Variants in SRBD1 observed in about 807,000 individuals in gnomAD.
SRBD1 encodes the protein S1 RNA binding domain 1, also known as S1 RNA-binding domain-containing protein 1.
In SRBD1, 88 loss-of-function variants were observed where a neutral mutation model predicts 115.3. The observed-to-expected ratio is 0.76, with a 90% confidence interval of 0.64 to 0.91. The LOEUF (loss-of-function observed/expected upper bound fraction) is 0.91. SRBD1 is among the 40% of genes least tolerant of loss of function. SRBD1 has a pLI of 0.00. For synonymous variants in SRBD1, 509 were observed against 407.7 expected (o/e 1.25, Z -2.99); for missense variants, 1,385 against 1,177.4 (o/e 1.18, Z -2.58).
chr2:45,415,557 G>A (rs574196680), intron 18 of SRBD1, among the ~76,000 whole-genome samples: 2 of 143,958 alleles, frequency 1.4e-5, no homozygotes, highest in Admixed American at 7.0e-5. Context: ...CATATAGTCT[G>A]TATACGTATA....
At chr2:45,526,624 A>G (rs1671450941) in intron 14 of SRBD1, among the ~76,000 whole-genome samples, 2 of 151,998 alleles carry the variant, frequency 1.3e-5, no homozygotes, top group African/African-American at 4.8e-5. Context: ...ATATCTCAGT[A>G]AAACTGTTAA....
At chr2:45,428,411 C>T (rs1668223554) in intron 16 of SRBD1, among the ~76,000 whole-genome samples, 1 of 152,028 alleles carries the variant, frequency 6.6e-6, no homozygotes, top group African/African-American at 2.4e-5. Flanking sequence ...GTTAGCTGGG[C>T]GTGGTGGCAA....
At chr2:45,391,396 G>T (rs950586981) in intron 20 of SRBD1, among the ~76,000 whole-genome samples, 2 of 152,146 alleles carry the variant, frequency 1.3e-5, no homozygotes, top group Non-Finnish European at 2.9e-5. Flanking sequence ...TATGAGTAAA[G>T]AATGAGGCAT....
At chr2:45,441,301 C>A (rs1276148451) in intron 16 of SRBD1, among the ~76,000 whole-genome samples, 1 of 152,214 alleles carries the variant, frequency 6.6e-6, no homozygotes, top group East Asian at 1.9e-4. Flanking sequence ...TAGCCTCATG[C>A]ACTGGTGGCA....
chr2:45,439,704 G>T (rs1668602905), intron 16 of SRBD1, among the ~76,000 whole-genome samples: 1 of 151,444 alleles, frequency 6.6e-6, no homozygotes, highest in Non-Finnish European at 1.5e-5. Flanking sequence ...TTAAATGTTA[G>T]TAAAAACTCC....
chr2:45,535,496 T>G (rs1159904131), intron 14 of SRBD1, among the ~76,000 whole-genome samples: 1 of 151,966 alleles, frequency 6.6e-6, no homozygotes, highest in African/African-American at 2.4e-5. Context: ...ACAACCTATT[T>G]TATTTTCCCT....
At chr2:45,420,917 G>C (rs1305817344) in intron 16 of SRBD1, among the ~76,000 whole-genome samples, 4 of 152,096 alleles carry the variant, frequency 2.6e-5, no homozygotes, top group African/African-American at 9.7e-5. Context: ...ACAACGTGCA[G>C]GTTTGTTACA....
At chr2:45,597,347 G>A (rs1217963582) in intron 4 of SRBD1, among the ~76,000 whole-genome samples, 2 of 151,874 alleles carry the variant, frequency 1.3e-5, no homozygotes, top group East Asian at 1.9e-4. Flanking sequence ...TTGAACCTGG[G>A]AGGCAGAGGT....
At chr2:45,573,383 A>C in intron 8 of SRBD1, 41 bp from the exon 9 acceptor site, 1 of 1,578,748 alleles carries the variant, frequency 6.3e-7, no homozygotes, top group Non-Finnish European at 8.6e-7. Context: ...AGCAGTTATT[A>C]ATTTGTGCTT....
chr2:45,574,822 A>C, intron 7 of SRBD1, 99 bp from the exon 8 acceptor site: 2 of 1,051,158 alleles, frequency 1.9e-6, no homozygotes, highest in Non-Finnish European at 1.4e-6. Flanking sequence ...AGTCAAAATA[A>C]AACCTTAAGT....
intron 14 of SRBD1, among the ~76,000 whole-genome samples, chr2:45,535,430 T>C (rs796083594): frequency 1.2e-4 from 18 of 152,120 alleles, no homozygotes; most frequent in African/African-American, 4.3e-4. Flanking sequence ...TCATCAACCA[T>C]TCCTTTATAA....
intron 16 of SRBD1, among the ~76,000 whole-genome samples, chr2:45,424,462 T>C (rs539464580): frequency 1.4e-4 from 21 of 152,322 alleles, no homozygotes; most frequent in Non-Finnish European, 2.5e-4. Context: ...GCTCATAGCA[T>C]TGTCCTCATG....
intron 15 of SRBD1, among the ~76,000 whole-genome samples, chr2:45,482,613 AACACACACACAC>A (rs70937962): frequency 8.1e-5 from 12 of 148,650 alleles, no homozygotes; most frequent in African/African-American, 1.5e-4. Flanking sequence ...CACAACGTTA[AACACACACACAC>A]ACACACACAC....
At chr2:45,505,877 T>A (rs997795793) in intron 14 of SRBD1, among the ~76,000 whole-genome samples, 3 of 152,190 alleles carry the variant, frequency 2.0e-5, no homozygotes, top group Admixed American at 2.0e-4. Flanking sequence ...TATTTAGATA[T>A]CCTCTGCCTA....
intron 19 of SRBD1, among the ~76,000 whole-genome samples, chr2:45,396,673 A>G (rs17033598): frequency 0.099 from 15,034 of 152,240 alleles, 877 homozygotes; most frequent in African/African-American, 0.16. Context: ...GAAACTTGTT[A>G]TAAGTGCAGG....
chr2:45,584,109 G>T (rs1673444947), intron 5 of SRBD1, among the ~76,000 whole-genome samples: 1 of 152,076 alleles, frequency 6.6e-6, no homozygotes, highest in African/African-American at 2.4e-5. Context: ...GCTTACTTCA[G>T]AATTTGCAAA....
intron 9 of SRBD1, among the ~76,000 whole-genome samples, chr2:45,565,148 T>A (rs572764288): frequency 1.3e-5 from 2 of 152,158 alleles, no homozygotes; most frequent in African/African-American, 4.8e-5. Flanking sequence ...AAAACACATA[T>A]AGTAATTCAA....
In SRBD1 at chr2:45,579,778, A is replaced by G. The variant is rs1054090351; in HGVS notation, c.1072+97T>C. The G allele has an allele frequency of 3.1e-6, 4 of 1,308,126 alleles. No individual in the cohort carries two copies. In the African/African-American group the frequency reaches 6.0e-5, roughly 20 times the overall value. 81.0% of individuals were successfully genotyped at this position (1,308,126 alleles called of 1,614,324 possible). A position where few individuals can be genotyped will look rare whatever the true frequency, so the allele number is the denominator to read the frequency against. On this transcript the variant is annotated intron_variant, in intron 7 of 20. Transcript: ENST00000263736. ...TACATACGCTGTAATATTCTTTTGT[A>G]TAATCAGTACTTAACAAAACAGTTT...
chr2:45,551,951 A>G (rs1672314682), intron 11 of SRBD1, among the ~76,000 whole-genome samples: 1 of 152,234 alleles, frequency 6.6e-6, no homozygotes, highest in Non-Finnish European at 1.5e-5. Flanking sequence ...ACGCTAGTTC[A>G]GTAATCCAGA....
Sources: allele counts gnomAD v4.1 joint callset (sites outside exome capture counted in the v4.1 genomes callset), GRCh38; gene constraint gnomAD v4.1.1; transcripts MANE v1.5; gene names NCBI Gene and HGNC (gene_info 2026-07-23, HGNC 2026-07-21).